SCN11A: variants seen among roughly 807,000 people sequenced by gnomAD.
SCN11A encodes sodium voltage-gated channel alpha subunit 11, also known as sodium channel protein type 11 subunit alpha.
A neutral mutation model predicts 162.2 loss-of-function variants in SCN11A; 122 were observed. That is an observed-to-expected ratio of 0.75 (90% CI 0.65 to 0.87). SCN11A has a LOEUF of 0.87. Ranked by LOEUF, SCN11A falls within the 40% of genes least tolerant of loss-of-function variation. The pLI is 0.00. For missense variants in SCN11A, 2,015 were observed against 2,181.6 expected, an observed-to-expected ratio of 0.92 and a Z score of 1.52; for synonymous variants, 758 against 751.5, an observed-to-expected ratio of 1.01 and a Z score of -0.14.
chr3:38,915,526 ACTT>A (rs1256673641), intron 11 of SCN11A, among the ~76,000 whole-genome samples: 1 of 152,086 alleles, frequency 6.6e-6, no homozygotes, highest in Non-Finnish European at 1.5e-5. Flanking sequence ...GTTCCAAAAA[ACTT>A]CTTGATTTCT....
chr3:38,927,560 T>G (rs1366435251), intron 7 of SCN11A, among the ~76,000 whole-genome samples: 3 of 152,210 alleles, frequency 2.0e-5, no homozygotes, highest in African/African-American at 7.2e-5. Context: ...CGAAATTTAT[T>G]ACAAAGCTAC....
chr3:38,853,694 G>A (rs967346966), intron 28 of SCN11A, among the ~76,000 whole-genome samples: 3 of 152,090 alleles, frequency 2.0e-5, no homozygotes, highest in South Asian at 2.1e-4. Context: ...CATCATTTGC[G>A]ATCTCATGTT....
intron 3 of SCN11A, among the ~76,000 whole-genome samples, chr3:38,957,389 G>A (rs2066694687): frequency 6.6e-6 from 1 of 152,064 alleles, no homozygotes; most frequent in Admixed American, 6.5e-5. Context: ...AATCCTTCAG[G>A]GGATGAAAAC....
rs1167679838 is a variant in SCN11A at position 38,891,933 on chromosome 3, A to G, written c.2835+2600T>C. On this transcript the variant is annotated intron_variant, in intron 19 of 29. Transcript: ENST00000302328. ...TAGCACTCCACATCTAAGAAGCCCAATGAAACCCCAAGTAGAAAAAACACA... is the reference window on the plus strand; with the variant it reads ...TAGCACTCCACATCTAAGAAGCCCAGTGAAACCCCAAGTAGAAAAAACACA... Among the ~76,000 whole-genome samples the G allele has an allele frequency of 5.3e-5, 8 of 152,166 alleles. No homozygotes were observed. In the South Asian group the frequency reaches 1.2e-3, roughly 24 times the overall value.
intron 2 of SCN11A, among the ~76,000 whole-genome samples, chr3:38,974,710 A>G (rs1213521286): frequency 5.2e-5 from 5 of 96,942 alleles, no homozygotes; most frequent in Middle Eastern, 5.2e-3. Flanking sequence ...AAAAAAAAAA[A>G]AAAGAAAAGA....
intron 2 of SCN11A, among the ~76,000 whole-genome samples, chr3:39,006,596 GA>G (rs2030986280): frequency 6.7e-6 from 1 of 148,958 alleles, no homozygotes; most frequent in African/African-American, 2.4e-5. Flanking sequence ...AGAAGAAGAA[GA>G]AAACATATTA....
intron 2 of SCN11A, among the ~76,000 whole-genome samples, chr3:39,007,641 C>T (rs1032669195): frequency 2.6e-5 from 4 of 152,200 alleles, no homozygotes; most frequent in Non-Finnish European, 5.9e-5. Flanking sequence ...TTGGGGAATA[C>T]ATCATTGTGC....
At chr3:38,987,455 C>T (rs1385914600) in intron 2 of SCN11A, among the ~76,000 whole-genome samples, 1 of 152,194 alleles carries the variant, frequency 6.6e-6, no homozygotes, top group Non-Finnish European at 1.5e-5. Context: ...AGGGCTGTCT[C>T]TCTCTCAGTG....
intron 23 of SCN11A, among the ~76,000 whole-genome samples, chr3:38,878,843 TC>T (rs1487724154): frequency 6.6e-6 from 1 of 152,114 alleles, no homozygotes; most frequent in African/African-American, 2.4e-5. Context: ...CAGTGGGGTT[TC>T]CTGACCACAT....
chr3:38,968,667 AGCACACACATACACACCCACACAC>A (rs2066798350), intron 2 of SCN11A, among the ~76,000 whole-genome samples: 3 of 152,012 alleles, frequency 2.0e-5, no homozygotes, highest in Admixed American at 2.0e-4. Context: ...CATGCACACA[AGCACACACATACACACCCACACAC>A]GCACACACAT....
chr3:38,846,527 TATTA>T lies in SCN11A; in HGVS notation c.*163_*166del, dbSNP rs990212876. ...TAGCCTTATCTTATATCTCTGTAAG[TATTA>T]TTTAAAATGAAATTGAAATATCATT... On this transcript the variant is annotated 3_prime_UTR_variant, in exon 30 of 30. Coordinates refer to ENST00000302328, the MANE Select transcript of SCN11A (RefSeq NM_001349253.2). 1.6e-6 allele frequency: 1 copy of T among 609,692 alleles called. No individual in the cohort carries two copies. Among genetic ancestry groups the T allele is most frequent in the Non-Finnish European group, 2.9e-6 (1 of 344,488 alleles). The allele number at this position is 609,692 out of a possible 1,614,324, so 37.8% of individuals were successfully genotyped here. A position where few individuals can be genotyped will look rare whatever the true frequency, so the allele number is the denominator to read the frequency against.
At chr3:39,043,420 T>C (rs892676399) in intron 1 of SCN11A, among the ~76,000 whole-genome samples, 2 of 147,742 alleles carry the variant, frequency 1.4e-5, no homozygotes, top group Middle Eastern at 3.6e-3. Flanking sequence ...AACCTAAGTG[T>C]CCATCAACAG....
chr3:38,964,740 A>G (rs2066770930), intron 2 of SCN11A, among the ~76,000 whole-genome samples: 1 of 152,236 alleles, frequency 6.6e-6, no homozygotes, highest in Non-Finnish European at 1.5e-5. Flanking sequence ...TGGTATTGCC[A>G]AAAGGAGGAG....
At chr3:39,024,917 T>C (rs1469291981) in intron 2 of SCN11A, among the ~76,000 whole-genome samples, 1 of 152,218 alleles carries the variant, frequency 6.6e-6, no homozygotes, top group East Asian at 1.9e-4. Flanking sequence ...CTTTGGGTCT[T>C]CCTTCTGAAG....
chr3:38,997,304 G>A (rs79315188), intron 2 of SCN11A, among the ~76,000 whole-genome samples: 1 of 152,166 alleles, frequency 6.6e-6, no homozygotes, highest in Non-Finnish European at 1.5e-5. Context: ...GACAAACCAG[G>A]ATGCTCTCCT....
At chr3:38,911,188 C>T (rs1227137796) in intron 11 of SCN11A, among the ~76,000 whole-genome samples, 3 of 152,102 alleles carry the variant, frequency 2.0e-5, no homozygotes, top group Admixed American at 6.6e-5. Flanking sequence ...GTTTTACTCC[C>T]TCATTCTTCT....
chr3:38,933,508 C>T (rs1272371878), intron 7 of SCN11A, among the ~76,000 whole-genome samples: 8 of 152,086 alleles, frequency 5.3e-5, no homozygotes, highest in Non-Finnish European at 1.0e-4. Flanking sequence ...ACTAGAATAA[C>T]CAATACAGAG....
At chr3:38,943,874 A>C (rs542121931) in intron 7 of SCN11A, among the ~76,000 whole-genome samples, 17 of 152,320 alleles carry the variant, frequency 1.1e-4, no homozygotes, top group African/African-American at 4.1e-4. Context: ...AACAGACAGA[A>C]AGAATAAATT....
chr3:38,860,899 G>C (rs6782263), intron 28 of SCN11A, among the ~76,000 whole-genome samples: 16,348 of 152,082 alleles, frequency 0.11, 1,559 homozygotes, highest in African/African-American at 0.26. Flanking sequence ...AGAGCAATCA[G>C]ATAAGAGAAA....
Sources: gnomAD v4.1 joint callset for allele counts (sites outside exome capture counted in the v4.1 genomes callset) on GRCh38, gnomAD v4.1.1 for gene constraint, MANE v1.5 for transcripts, NCBI Gene and HGNC (gene_info 2026-07-23, HGNC 2026-07-21) for gene names.